Variants in TENM2 observed in about 807,000 individuals in gnomAD.
The protein encoded by TENM2 is teneurin transmembrane protein 2.
A neutral mutation model predicts 245.2 loss-of-function variants in TENM2; 52 were observed. The ratio of observed to expected loss-of-function variants is 0.21; its 90% CI spans 0.17 to 0.27. TENM2 has a LOEUF of 0.27. Among genes scored for constraint, TENM2 ranks in the 10% least tolerant of loss-of-function variants. TENM2 has a pLI of 1.00. For synonymous variants in TENM2, 1,363 were observed against 1,438.9 expected (o/e 0.95, Z 1.19); for missense variants, 3,046 against 3,666.8 (o/e 0.83, Z 4.37).
intron 3 of TENM2, among the ~76,000 whole-genome samples, chr5:167,918,774 C>CT (rs36028538): frequency 0.21 from 30,146 of 141,050 alleles, 3,417 homozygotes; most frequent in East Asian, 0.44. Flanking sequence ...TATTTTTCTC[C>CT]TTTTTTTTTT....
chr5:167,443,077 A>C (rs1430026454), intron 2 of TENM2, among the ~76,000 whole-genome samples: 1 of 152,202 alleles, frequency 6.6e-6, no homozygotes, highest in African/African-American at 2.4e-5. Context: ...ATGGGCTTTG[A>C]AAATTGGCCA....
At chr5:167,620,549 C>CTTTTTTTTTT (rs11455974) in intron 2 of TENM2, among the ~76,000 whole-genome samples, 27 of 73,332 alleles carry the variant, frequency 3.7e-4, no homozygotes, top group East Asian at 9.6e-4. Flanking sequence ...TGCTTTTTGG[C>CTTTTTTTTTT]TTTTTTTTTT....
chr5:167,961,321 CA>C (rs1780998820), intron 4 of TENM2, among the ~76,000 whole-genome samples: 1 of 152,170 alleles, frequency 6.6e-6, no homozygotes, highest in Non-Finnish European at 1.5e-5. Flanking sequence ...ACTGGCTGGC[CA>C]GGCTTAACTC....
At chr5:167,159,715 A>G in the TENM2 span, among the ~76,000 whole-genome samples, 1 of 152,172 alleles carries the variant, frequency 6.6e-6, no homozygotes, top group African/African-American at 2.4e-5. Flanking sequence ...TTTTTCATTT[A>G]GGTTCTGGCC....
At chr5:167,148,812 A>G in the TENM2 span, among the ~76,000 whole-genome samples, 1 of 152,272 alleles carries the variant, frequency 6.6e-6, no homozygotes, top group South Asian at 2.1e-4. Context: ...CAATTAATTC[A>G]ATATTCTGGA....
chr5:168,146,676 C>T (rs1464027981), intron 12 of TENM2, among the ~76,000 whole-genome samples: 1 of 152,238 alleles, frequency 6.6e-6, no homozygotes, highest in East Asian at 1.9e-4. Context: ...AGCATGGCTC[C>T]TCTCTTCTAA....
At chr5:167,140,769 T>C in the TENM2 span, among the ~76,000 whole-genome samples, 1 of 152,158 alleles carries the variant, frequency 6.6e-6, no homozygotes, top group African/African-American at 2.4e-5. Context: ...TTCTGGTGGC[T>C]GATGGGCAAG....
intron 2 of TENM2, among the ~76,000 whole-genome samples, chr5:167,472,766 T>G (rs1029600610): frequency 6.6e-6 from 1 of 152,210 alleles, no homozygotes; most frequent in Non-Finnish European, 1.5e-5. Context: ...TTTTGGAAAC[T>G]GAAAGATAAA....
intron 2 of TENM2, among the ~76,000 whole-genome samples, chr5:167,452,942 T>TATATATATATATATTTTAA (rs1561968051): frequency 5.4e-4 from 3 of 5,582 alleles, no homozygotes; most frequent in Non-Finnish European, 1.9e-3. Flanking sequence ...TATATATATA[T>TATATATATATATATTTTAA]ATATATATAT....
At chr5:167,406,315 C>A (rs1176137888) in intron 2 of TENM2, among the ~76,000 whole-genome samples, 3 of 152,090 alleles carry the variant, frequency 2.0e-5, no homozygotes, top group Non-Finnish European at 1.5e-5. Context: ...ACATTAGGCA[C>A]CCTGTGGAAA....
chr5:167,221,698 C>T, the TENM2 span, among the ~76,000 whole-genome samples: 1 of 152,168 alleles, frequency 6.6e-6, no homozygotes, highest in Non-Finnish European at 1.5e-5. Context: ...ACTAACTTTG[C>T]ACCTGAAGAA....
At chr5:167,648,239 G>C (rs1039705571) in intron 2 of TENM2, among the ~76,000 whole-genome samples, 1 of 152,148 alleles carries the variant, frequency 6.6e-6, no homozygotes, top group Non-Finnish European at 1.5e-5. Context: ...CAAAGGCTTC[G>C]ACAAATACAC....
In TENM2 at chr5:168,247,651, G is replaced by A. The variant is rs1204827175; in HGVS notation, c.6712G>A (p.Gly2238Ser). Reference sequence around the variant, plus strand: ...TGGGAATCTCCACTTACTGAACCCAGGCAACAGTGTGCGCCTCATGCCCTT... The same window carrying A: ...TGGGAATCTCCACTTACTGAACCCAAGCAACAGTGTGCGCCTCATGCCCTT... Residue 2238 changes from glycine (G) to serine (S), a missense_variant, in exon 27 of 29, where the codon GGC (glycine) becomes AGC (serine). Around this residue, in one of 2 missense-constraint regions of TENM2, gnomAD observed 2,704 missense variants for 3,331.9 expected, o/e 0.81. Transcript: ENST00000518659. This position sits in a 1 kb window ranked among gnomAD's most constrained non-coding sequence, Gnocchi z 7.8. The A allele has an allele frequency of 3.7e-6, 6 of 1,613,764 alleles. No homozygotes were observed. The highest frequency in any genetic ancestry group is 1.3e-5 in the African/African-American group (1 of 74,924).
the TENM2 span, among the ~76,000 whole-genome samples, chr5:167,223,401 C>T: frequency 1.3e-5 from 2 of 151,884 alleles, no homozygotes; most frequent in Admixed American, 1.3e-4. Context: ...TCCATGTGAT[C>T]AACTTTTGTA....
intron 2 of TENM2, among the ~76,000 whole-genome samples, chr5:167,385,781 C>G (rs1328045858): frequency 1.3e-5 from 2 of 151,484 alleles, no homozygotes; most frequent in Non-Finnish European, 2.9e-5. Context: ...CCCTGAGTTA[C>G]TTCACTTAGA....
At chr5:167,799,991 C>G (rs1360504880) in intron 2 of TENM2, among the ~76,000 whole-genome samples, 1 of 152,202 alleles carries the variant, frequency 6.6e-6, no homozygotes, top group Non-Finnish European at 1.5e-5. Context: ...AGCTCAGCAT[C>G]CCCAACTGAC....
chr5:167,749,284 A>G (rs1761796855), intron 2 of TENM2, among the ~76,000 whole-genome samples: 1 of 152,212 alleles, frequency 6.6e-6, no homozygotes, highest in African/African-American at 2.4e-5. Context: ...CTGACACTTC[A>G]GTAATTAAGA....
At chr5:167,950,272 A>G (rs976521630) in intron 3 of TENM2, among the ~76,000 whole-genome samples, 5 of 152,192 alleles carry the variant, frequency 3.3e-5, no homozygotes, top group African/African-American at 7.2e-5. Context: ...CACACAAGCA[A>G]CCGCAGGAAT....
intron 2 of TENM2, among the ~76,000 whole-genome samples, chr5:167,662,047 C>T (rs967244195): frequency 6.6e-6 from 1 of 152,162 alleles, no homozygotes; most frequent in Non-Finnish European, 1.5e-5. Context: ...ATGGAGTAGG[C>T]AGAGACTGAT....
Sources: gnomAD v4.1 joint callset for allele counts (sites outside exome capture counted in the v4.1 genomes callset) on GRCh38, gnomAD v4.1.1 for gene constraint, gnomAD v4.1.1 regional missense constraint, Gnocchi (gnomAD v3.1) non-coding constraint, MANE v1.5 for transcripts, NCBI Gene and HGNC (gene_info 2026-07-23, HGNC 2026-07-21) for gene names.